Variants in FAM8A1 observed in about 807,000 individuals in gnomAD.
FAM8A1 encodes the protein protein FAM8A1.
Under a neutral mutation model 38.3 loss-of-function variants are expected in FAM8A1, and 18 were observed. The observed-to-expected ratio is 0.47, with a 90% CI of 0.33 to 0.70. FAM8A1 has a LOEUF of 0.70. Ranked by LOEUF, FAM8A1 falls within the 30% of genes least tolerant of loss-of-function variation. The pLI, the probability that FAM8A1 is intolerant of heterozygous loss-of-function variation, is 0.03. For synonymous variants in FAM8A1, 246 were observed against 234.4 expected (o/e 1.05, Z -0.45); for missense variants, 559 against 559.6 (o/e 1.00, Z 0.01).
chr6:17,608,096 A>G lies in FAM8A1; in HGVS notation c.1098-99A>G, dbSNP rs2113747913. On this transcript the variant is annotated intron_variant, in intron 4 of 4. Transcript: ENST00000259963. ...CTGTAGACTTCTGTAGAGAAGTACAATTGTGTTTTAAATGTCTATTTTGAA... is the reference window on the plus strand; with the variant it reads ...CTGTAGACTTCTGTAGAGAAGTACAGTTGTGTTTTAAATGTCTATTTTGAA... The G allele has an allele frequency of 4.0e-6, 5 of 1,265,142 alleles. No homozygotes were observed. The South Asian group carries it at 6.9e-5, about 18-fold the overall frequency. 78.4% of individuals were successfully genotyped at this position (1,265,142 alleles called of 1,614,324 possible).
At chr6:17,604,263 G>C (rs1764024397) in intron 2 of FAM8A1, among the ~76,000 whole-genome samples, 1 of 151,968 alleles carries the variant, frequency 6.6e-6, no homozygotes, top group Non-Finnish European at 1.5e-5. Flanking sequence ...TCATCATGTG[G>C]TTTATACTCA....
chr6:17,604,102 A>T (rs998851243), intron 2 of FAM8A1, among the ~76,000 whole-genome samples: 1 of 151,544 alleles, frequency 6.6e-6, no homozygotes, highest in African/African-American at 2.4e-5. Context: ...TTTTTTAGAG[A>T]TGGGGTCTGT....
At position 17,609,412 on chromosome 6, in the gene FAM8A1, AAT is replaced by A. The variant is rs1258764978; in HGVS notation, c.*1076_*1077del. The A allele has an allele frequency of 6.6e-6, 1 of 152,128 alleles. No individual in the cohort carries two copies. The highest frequency in any genetic ancestry group is 2.4e-5 in the African/African-American group (1 of 41,424). 9.4% of individuals were successfully genotyped at this position (152,128 alleles called of 1,614,324 possible). A position where few individuals can be genotyped will look rare whatever the true frequency, so the allele number is the denominator to read the frequency against. On this transcript the variant is annotated 3_prime_UTR_variant, in exon 5 of 5. Coordinates refer to ENST00000259963, the MANE Select transcript of FAM8A1 (RefSeq NM_016255.3). ...AGTACTATTAATTAATAGCTTGCGA[AAT>A]ATTAGCAATTTTCCCATTATGGACT...
intron 1 of FAM8A1, among the ~76,000 whole-genome samples, chr6:17,602,220 G>A (rs1056085498): frequency 6.6e-6 from 1 of 152,204 alleles, no homozygotes; most frequent in African/African-American, 2.4e-5. Flanking sequence ...TTGTTGAGAC[G>A]GGGTTTCGCC....
At chr6:17,608,018 A>C (rs1764080899) in intron 4 of FAM8A1, among the ~76,000 whole-genome samples, 177 bp from the exon 5 acceptor site, 2 of 152,210 alleles carry the variant, frequency 1.3e-5, no homozygotes, top group Non-Finnish European at 2.9e-5. Context: ...GTGCTACTTG[A>C]AAATATATCA....
chr6:17,607,306 C>G (rs958694787), intron 4 of FAM8A1, among the ~76,000 whole-genome samples: 2 of 150,166 alleles, frequency 1.3e-5, no homozygotes, highest in Non-Finnish European at 3.0e-5. Context: ...AACCTACCTA[C>G]TTCTTTTAAT....
At position 17,601,039 on chromosome 6, in the gene FAM8A1, G is replaced by A; in HGVS notation, c.630G>A (p.Gln210=). The change falls in exon 1 of 5, where the codon CAG becomes CAA. Residue 210 remains glutamine (Q), a synonymous_variant. Coordinates refer to ENST00000259963, the MANE Select transcript of FAM8A1 (RefSeq NM_016255.3). ...TGGGACCCCGGGCTCCTCACGTGCAGGCGTCGGTCCGGGCCACTCCAGTGA... is the reference window on the plus strand; with the variant it reads ...TGGGACCCCGGGCTCCTCACGTGCAAGCGTCGGTCCGGGCCACTCCAGTGA... ...AGLGPRAPHV[Q]ASVRATPVTR... The A allele has an allele frequency of 6.3e-7, 1 of 1,592,952 alleles. No individual in the cohort carries two copies. Among genetic ancestry groups the A allele is most frequent in the Non-Finnish European group, 8.5e-7 (1 of 1,172,538 alleles).
At position 17,608,364 on chromosome 6, in the gene FAM8A1, C is replaced by T. The variant is rs1764087537; in HGVS notation, c.*25C>T. On this transcript the variant is annotated 3_prime_UTR_variant, in exon 5 of 5. Transcript: ENST00000259963. ...ATGCCCCCCAAAACCCTGATTTCCA[C>T]ACACTAAGACTAAATTATGTATCAA... The T allele has an allele frequency of 1.3e-6, 2 of 1,579,694 alleles. No individual in the cohort carries two copies. Among genetic ancestry groups the T allele is most frequent in the African/African-American group, 1.4e-5 (1 of 71,670 alleles).
In FAM8A1 at chr6:17,600,774, G is replaced by T; in HGVS notation, c.365G>T (p.Trp122Leu). ...TCCCGGCAAGTGCACGAGTGGCTGT[G>T]GCAGTCCTACTGCGGCTACCTCACC... ...EYSRQVHEWL[W>L]QSYCGYLTWH... Residue 122 changes from tryptophan (W) to leucine (L), a missense_variant, in exon 1 of 5, where the codon TGG (tryptophan) becomes TTG (leucine). Trp to Leu is a moderately conservative substitution (Grantham distance 61). Around this residue, in one of 2 missense-constraint regions of FAM8A1, gnomAD observed 393 missense variants for 338.9 expected, o/e 1.16. Coordinates refer to ENST00000259963, the MANE Select transcript of FAM8A1 (RefSeq NM_016255.3). 2 of 1,611,178 alleles carry T rather than the reference G, an allele frequency of 1.2e-6. No homozygotes were observed. Among genetic ancestry groups the T allele is most frequent in the Non-Finnish European group, 1.7e-6 (2 of 1,179,694 alleles).
rs1300134846 is a variant in FAM8A1 at position 17,601,108 on chromosome 6, C to T, written c.699C>T (p.Thr233=). 7 of 1,593,278 alleles carry T rather than the reference C, an allele frequency of 4.4e-6. No individual in the cohort carries two copies. Among genetic ancestry groups the T allele is most frequent in the Admixed American group, 1.8e-5 (1 of 56,606 alleles). The change falls in exon 1 of 5, where the codon ACC becomes ACT. Residue 233 remains threonine, a synonymous_variant. Transcript: ENST00000259963. ...SAAPSRSPSE[T]GRQAGREYVI... ...CCCCTTCGCGAAGCCCGAGCGAGAC[C>T]GGGCGACAGGCAGGTGAGAAGCGCG...
rs1764102434 is a variant in FAM8A1, at chr6:17,609,259, T to G, written c.*920T>G. On this transcript the variant is annotated 3_prime_UTR_variant, in exon 5 of 5. Coordinates refer to ENST00000259963, the MANE Select transcript of FAM8A1 (RefSeq NM_016255.3). ...TGAAGAAAGTATTAGTGCTTCTCAG[T>G]GTTCTCAGTGTAAATTCTATTTATA... 1 of 152,190 alleles carries G rather than the reference T, an allele frequency of 6.6e-6. No individual in the cohort carries two copies. The allele number at this position is 152,190 out of a possible 1,614,324, so 9.4% of individuals were successfully genotyped here.
intron 4 of FAM8A1, among the ~76,000 whole-genome samples, chr6:17,606,630 G>C (rs145594135): frequency 6.6e-6 from 1 of 152,148 alleles, no homozygotes; most frequent in Non-Finnish European, 1.5e-5. Flanking sequence ...GTACTAGTCT[G>C]CCTTGAGTCT....
Position 17,610,972 on chromosome 6 carries a change from G to C in FAM8A1, c.*2633G>C, listed in dbSNP as rs1764133989. On this transcript the variant is annotated 3_prime_UTR_variant, in exon 5 of 5. Transcript: ENST00000259963. ...AACTTGGGAGCCAAGAGCTGGGTAA[G>C]CCTTACCTTTAGACTACTCTGTGAC... 1.3e-5 allele frequency: 2 copies of C among 152,130 alleles called. No individual in the cohort carries two copies. Among genetic ancestry groups the C allele is most frequent in the African/African-American group, 4.8e-5 (2 of 41,452 alleles). 9.4% of individuals were successfully genotyped at this position (152,130 alleles called of 1,614,324 possible).
chr6:17,602,566 C>CTTT, intron 1 of FAM8A1, 24 bp from the exon 2 acceptor site: 5 of 1,373,920 alleles, frequency 3.6e-6, no homozygotes, highest in Admixed American at 2.2e-5. Flanking sequence ...TTTTTCCTAA[C>CTTT]TTTTTTTTTT....
At chr6:17,607,696 G>C (rs1396039858) in intron 4 of FAM8A1, among the ~76,000 whole-genome samples, 1 of 152,094 alleles carries the variant, frequency 6.6e-6, no homozygotes, top group Non-Finnish European at 1.5e-5. Flanking sequence ...TCTAACATAA[G>C]TAGGATAATT....
At chr6:17,604,532 C>G (rs917313798) in intron 2 of FAM8A1, among the ~76,000 whole-genome samples, 16 of 152,272 alleles carry the variant, frequency 1.1e-4, no homozygotes, top group Admixed American at 3.9e-4. Context: ...TTCTGGGAAA[C>G]CTTCACAAGG....
In FAM8A1 at chr6:17,600,460, T is replaced by A; in HGVS notation, c.51T>A (p.Asp17Glu). ...GAGGCCACCCTCCCGGGCAGGACGA[T>A]GGCGGAGGGGACCACGAGCCCGTCC... is the stretch of plus-strand genomic sequence containing the variant. ...EARGHPPGQD[D>E]GGGDHEPVPS... Residue 17 changes from aspartate to glutamate, a missense_variant, in exon 1 of 5, where the codon GAT becomes GAA. By Grantham distance (45) the Asp-to-Glu change is conservative (BLOSUM62 2). Coordinates refer to ENST00000259963, the MANE Select transcript of FAM8A1 (RefSeq NM_016255.3). The A allele has an allele frequency of 6.7e-7, 1 of 1,495,066 alleles. No homozygotes were observed. Among genetic ancestry groups the A allele is most frequent in the Non-Finnish European group, 8.9e-7 (1 of 1,124,522 alleles). The allele number at this position is 1,495,066 out of a possible 1,614,324, so 92.6% of individuals were successfully genotyped here.
At chr6:17,603,762 T>G (rs1241881915) in intron 2 of FAM8A1, among the ~76,000 whole-genome samples, 4 of 151,898 alleles carry the variant, frequency 2.6e-5, no homozygotes, top group Non-Finnish European at 5.9e-5. Context: ...AAAAAATTGT[T>G]TTTTGTAGAG....
Position 17,610,529 on chromosome 6 carries a change from T to G in FAM8A1, c.*2190T>G, listed in dbSNP as rs1341554700. On this transcript the variant is annotated 3_prime_UTR_variant, in exon 5 of 5. Coordinates refer to ENST00000259963, the MANE Select transcript of FAM8A1 (RefSeq NM_016255.3). ...TCAGTATTTGCACCGAGATTTTGAT[T>G]CCCAAAGTTTGGAAAAAAATGACAA... 1 of 152,070 alleles carries G rather than the reference T, an allele frequency of 6.6e-6. No homozygotes were observed. The highest frequency in any genetic ancestry group is 1.5e-5 in the Non-Finnish European group (1 of 67,974). The allele number at this position is 152,070 out of a possible 1,614,324, so 9.4% of individuals were successfully genotyped here.
Sources: allele counts gnomAD v4.1 joint callset (sites outside exome capture counted in the v4.1 genomes callset), GRCh38; gene constraint gnomAD v4.1.1; regional missense constraint gnomAD v4.1.1; transcripts MANE v1.5; gene names NCBI Gene and HGNC (gene_info 2026-07-23, HGNC 2026-07-21).